OGDH: variants seen among roughly 807,000 people sequenced by gnomAD.
The protein encoded by OGDH is oxoglutarate dehydrogenase.
OGDH carries 38 observed loss-of-function variants against 116.6 expected under a neutral mutation model. The observed-to-expected ratio is 0.33, with a 90% confidence interval of 0.25 to 0.43. The LOEUF is 0.43. OGDH is among the 20% of genes least tolerant of loss of function. OGDH has a pLI of 1.00. For synonymous variants in OGDH, 488 were observed against 533.3 expected (o/e 0.92, Z 1.17); for missense variants, 825 against 1,357.2 (o/e 0.61, Z 6.16).
intron 1 of OGDH, among the ~76,000 whole-genome samples, chr7:44,609,818 G>A (rs1023988034): frequency 1.3e-5 from 2 of 152,146 alleles, no homozygotes; most frequent in African/African-American, 4.8e-5. Context: ...GGCACTGTAT[G>A]GTCTTGTTTC....
In OGDH at chr7:44,701,526, ATTG is replaced by A; in HGVS notation, c.2560-14_2560-12del. ...TCAGAATCTGATCCTTCACGAGCCT[ATTG>A]TTCTGTATTTCAGTTAATTATCTTC... is the stretch of plus-strand genomic sequence containing the variant. On this transcript the variant is annotated splice_polypyrimidine_tract_variant and intron_variant, in intron 19 of 22. Transcript: ENST00000222673. The A allele has an allele frequency of 3.1e-6, 5 of 1,610,482 alleles. No individual in the cohort carries two copies. The highest frequency in any genetic ancestry group is 4.2e-6 in the Non-Finnish European group (5 of 1,176,998).
At chr7:44,612,942 G>A (rs920847641) in intron 1 of OGDH, among the ~76,000 whole-genome samples, 4 of 148,842 alleles carry the variant, frequency 2.7e-5, no homozygotes, top group Non-Finnish European at 4.5e-5. Flanking sequence ...GTGCAGTGGC[G>A]CGATCTCGGC....
rs146542100 is a variant in OGDH, at chr7:44,694,244, G to C, written c.1516-180G>C. ...AGGGCCACTCCTCATTGACAGAGCA[G>C]CTCTACTGTGTGAAGGAGAGATACA... On this transcript the variant is annotated intron_variant, in intron 11 of 22. Transcript: ENST00000222673. The surrounding 1 kb of genome is among the most constrained non-coding windows in gnomAD (Gnocchi z 4.2). Among the ~76,000 whole-genome samples the C allele has an allele frequency of 6.6e-6, 1 of 152,258 alleles. No homozygotes were observed. Among genetic ancestry groups the C allele is most frequent in the Non-Finnish European group, 1.5e-5 (1 of 68,022 alleles).
At chr7:44,660,912 T>C (rs779224768) in intron 4 of OGDH, among the ~76,000 whole-genome samples, 17 of 152,110 alleles carry the variant, frequency 1.1e-4, no homozygotes, top group Non-Finnish European at 2.2e-4. Flanking sequence ...TGGGTGACCC[T>C]ATCTGTAAAC....
intron 4 of OGDH, among the ~76,000 whole-genome samples, chr7:44,666,247 C>T (rs563125982): frequency 7.2e-5 from 11 of 152,120 alleles, no homozygotes; most frequent in Non-Finnish European, 1.6e-4. Flanking sequence ...TCTTAGTCCC[C>T]CTCCTCCAGC....
chr7:44,684,808 GA>G (rs1330349087), intron 10 of OGDH, among the ~76,000 whole-genome samples: 8 of 147,360 alleles, frequency 5.4e-5, no homozygotes, highest in African/African-American at 2.0e-4. Flanking sequence ...TTTTTTTTTT[GA>G]AACAGAGTCT....
chr7:44,682,846 C>G (rs1243026964), intron 10 of OGDH, among the ~76,000 whole-genome samples: 1 of 151,114 alleles, frequency 6.6e-6, no homozygotes, highest in African/African-American at 2.4e-5. Flanking sequence ...GAGTGAGACC[C>G]TGTCTTGAAA....
chr7:44,641,363 C>T (rs1325906829), intron 2 of OGDH, among the ~76,000 whole-genome samples: 1 of 151,164 alleles, frequency 6.6e-6, no homozygotes, highest in African/African-American at 2.4e-5. Context: ...GTAGCTGGGA[C>T]TACAGGCCTG....
intron 2 of OGDH, among the ~76,000 whole-genome samples, chr7:44,635,946 G>A (rs1184013013): frequency 1.3e-5 from 2 of 152,080 alleles, no homozygotes; most frequent in Non-Finnish European, 2.9e-5. Context: ...CTCATGATCC[G>A]CCCGCCTCAG....
intron 4 of OGDH, among the ~76,000 whole-genome samples, chr7:44,658,875 A>G (rs1413169798): frequency 6.6e-6 from 1 of 151,998 alleles, no homozygotes; most frequent in African/African-American, 2.4e-5. Flanking sequence ...TTGCTCTGTC[A>G]CCCAGTCTGG....
At chr7:44,634,217 A>C (rs1785567789) in intron 2 of OGDH, among the ~76,000 whole-genome samples, 1 of 152,240 alleles carries the variant, frequency 6.6e-6, no homozygotes, top group Admixed American at 6.5e-5. Flanking sequence ...AAAGTCCCAG[A>C]GTAGCTCCAG....
intron 4 of OGDH, among the ~76,000 whole-genome samples, chr7:44,661,729 G>A (rs1786955078): frequency 1.3e-5 from 2 of 152,108 alleles, no homozygotes; most frequent in South Asian, 4.1e-4. Context: ...AGCCTCCTGA[G>A]TAGCTGGGAT....
chr7:44,644,880 G>C (rs570740825), intron 2 of OGDH, among the ~76,000 whole-genome samples: 121 of 152,316 alleles, frequency 7.9e-4, no homozygotes, highest in African/African-American at 2.8e-3. Context: ...CAGAAAAACT[G>C]GTAGAGTTTG....
intron 3 of OGDH, chr7:44,647,456 C>G: frequency 2.0e-6 from 3 of 1,537,792 alleles, no homozygotes; most frequent in Non-Finnish European, 2.6e-6. Context: ...CAGGGGTCAC[C>G]ACATTGCAAA....
Position 44,694,298 on chromosome 7 carries a change from T to C in OGDH, c.1516-126T>C, listed in dbSNP as rs945505261. 6.7e-6 allele frequency: 8 copies of C among 1,199,354 alleles called. No individual in the cohort carries two copies. Among genetic ancestry groups the C allele is most frequent in the Non-Finnish European group, 9.3e-6 (8 of 863,370 alleles). The allele number at this position is 1,199,354 out of a possible 1,614,324, so 74.3% of individuals were successfully genotyped here. A position where few individuals can be genotyped will look rare whatever the true frequency, so the allele number is the denominator to read the frequency against. ...AATCCTAATTCTAGAGAAGGTAAAC[T>C]CCAGGGCAGGCATGAGGAATGAAGA... On this transcript the variant is annotated intron_variant, in intron 11 of 22. Coordinates refer to ENST00000222673, the MANE Select transcript of OGDH (RefSeq NM_002541.4). The surrounding 1 kb of genome is among the most constrained non-coding windows in gnomAD (Gnocchi z 4.2).
At chr7:44,619,102 C>T (rs1784912299) in intron 1 of OGDH, among the ~76,000 whole-genome samples, 1 of 152,160 alleles carries the variant, frequency 6.6e-6, no homozygotes, top group Non-Finnish European at 1.5e-5. Flanking sequence ...GGTGGCATGC[C>T]TGGGGAGGGT....
intron 20 of OGDH, among the ~76,000 whole-genome samples, chr7:44,702,340 C>A (rs1025845481): frequency 2.0e-5 from 3 of 152,172 alleles, no homozygotes; most frequent in Admixed American, 2.0e-4. Flanking sequence ...GAGAAAAAAA[C>A]ACTGGACGGC....
chr7:44,695,915 G>A lies in OGDH; in HGVS notation c.1669-110G>A, dbSNP rs187199539. 6.4e-3 allele frequency: 4,243 copies of A among 659,888 alleles called. 63 individuals are homozygous for A. The highest frequency in any genetic ancestry group is 7.1e-3 in the Non-Finnish European group (2,549 of 359,080). 40.9% of individuals were successfully genotyped at this position (659,888 alleles called of 1,614,324 possible). On this transcript the variant is annotated intron_variant, in intron 12 of 22. Transcript: ENST00000222673. ...TGGGCATGCACGGGAGTTGTGCCAG[G>A]GGTATGGTTGGGCTTGCGTGGTGGC...
intron 10 of OGDH, among the ~76,000 whole-genome samples, chr7:44,689,606 G>A (rs6967580): frequency 6.6e-6 from 1 of 151,770 alleles, no homozygotes; most frequent in Non-Finnish European, 1.5e-5. Flanking sequence ...AGCCATCCTA[G>A]AAGGTGTGAG....
Sources: gnomAD v4.1 joint callset for allele counts (sites outside exome capture counted in the v4.1 genomes callset) on GRCh38, gnomAD v4.1.1 for gene constraint, Gnocchi (gnomAD v3.1) non-coding constraint, MANE v1.5 for transcripts, NCBI Gene and HGNC (gene_info 2026-07-23, HGNC 2026-07-21) for gene names.